The following SOX5 variants were observed in gnomAD, a reference collection of about 807,000 sequenced individuals.
SOX5 encodes the protein transcription factor SOX-5.
Under a neutral mutation model 92.0 loss-of-function variants are expected in SOX5, and 9 were observed. That is an observed-to-expected ratio of 0.10 (90% confidence interval 0.06 to 0.17). The LOEUF is 0.17. Among genes scored for constraint, SOX5 ranks in the 10% least tolerant of loss-of-function variants. SOX5 has a pLI of 1.00. For synonymous variants in SOX5, 344 were observed against 336.3 expected (o/e 1.02, Z -0.25); for missense variants, 642 against 944.5 (o/e 0.68, Z 4.20).
At chr12:24,324,250 T>G (rs1950471116) in intron 2 of SOX5, among the ~76,000 whole-genome samples, 1 of 152,178 alleles carries the variant, frequency 6.6e-6, no homozygotes, top group Admixed American at 6.5e-5. Context: ...CCAGTCATAT[T>G]CACAATGTTC....
intron 5 of SOX5, among the ~76,000 whole-genome samples, chr12:23,739,640 T>C (rs2093724478): frequency 6.6e-6 from 1 of 152,174 alleles, no homozygotes; most frequent in East Asian, 1.9e-4. Context: ...CTCCCAAAGA[T>C]CTACCCTTAG....
In SOX5 at chr12:24,383,922, G is replaced by T. The variant is rs1958091863; in HGVS notation, c.-250-15283C>A. 2.0e-5 allele frequency among the ~76,000 whole-genome samples: 3 copies of T among 152,164 alleles called. No individual in the cohort carries two copies. The South Asian group carries it at 6.2e-4, about 32-fold the overall frequency. ...GTGTTGCGGAAGGGAACCTGTGGGAGGTAATTGAATCAGAGGGGCAGTTAT... is the reference window on the plus strand; with the variant it reads ...GTGTTGCGGAAGGGAACCTGTGGGATGTAATTGAATCAGAGGGGCAGTTAT... On this transcript the variant is annotated intron_variant, in intron 1 of 4. Transcript: ENST00000446891.
chr12:24,236,008 T>C (rs564239398), intron 3 of SOX5, among the ~76,000 whole-genome samples: 15 of 151,922 alleles, frequency 9.9e-5, no homozygotes, highest in African/African-American at 3.4e-4. Flanking sequence ...GTTAACATGG[T>C]AAAACCCCAC....
chr12:23,684,958 A>C (rs1187939904), intron 6 of SOX5, among the ~76,000 whole-genome samples: 1 of 152,150 alleles, frequency 6.6e-6, no homozygotes, highest in African/African-American at 2.4e-5. Flanking sequence ...ATTGCTATAA[A>C]AATACTTAGA....
At chr12:23,762,710 C>T in intron 3 of SOX5, 1 of 425,326 alleles carries the variant, frequency 2.4e-6, no homozygotes, top group Admixed American at 4.3e-5. Flanking sequence ...TAGTCATAGG[C>T]TTAAATTTTC....
intron 11 of SOX5, among the ~76,000 whole-genome samples, chr12:23,551,668 T>G (rs879479467): frequency 5.9e-5 from 9 of 151,806 alleles, no homozygotes; most frequent in Non-Finnish European, 8.9e-5. Flanking sequence ...TTGAAGAAAA[T>G]TTTTCTATTC....
At chr12:23,668,874 A>G (rs2084291495) in intron 6 of SOX5, among the ~76,000 whole-genome samples, 1 of 152,180 alleles carries the variant, frequency 6.6e-6, no homozygotes, top group Non-Finnish European at 1.5e-5. Flanking sequence ...TCCAACACAA[A>G]TCACTTATAT....
At chr12:23,881,011 A>T (rs1477787228) in intron 2 of SOX5, among the ~76,000 whole-genome samples, 1 of 152,166 alleles carries the variant, frequency 6.6e-6, no homozygotes, top group African/African-American at 2.4e-5. Context: ...ATAATTATTT[A>T]AAAACAGCTA....
chr12:23,679,712 C>T (rs929768197), intron 6 of SOX5, among the ~76,000 whole-genome samples: 2 of 152,036 alleles, frequency 1.3e-5, no homozygotes, highest in Non-Finnish European at 2.9e-5. Context: ...TAACCCAGTT[C>T]AGTATTTAAG....
chr12:24,265,006 C>A (rs574367518), intron 3 of SOX5, among the ~76,000 whole-genome samples: 2 of 152,086 alleles, frequency 1.3e-5, no homozygotes, highest in African/African-American at 4.8e-5. Flanking sequence ...CATATCAACC[C>A]GAAAGCCTGC....
chr12:24,266,713 C>T (rs751114089), intron 3 of SOX5, among the ~76,000 whole-genome samples: 21 of 152,102 alleles, frequency 1.4e-4, no homozygotes, highest in Non-Finnish European at 2.6e-4. Flanking sequence ...TAGGAAAATG[C>T]CAATAGTTGA....
intron 11 of SOX5, among the ~76,000 whole-genome samples, chr12:23,550,191 C>T (rs1479933625): frequency 1.3e-5 from 2 of 151,860 alleles, no homozygotes; most frequent in Non-Finnish European, 2.9e-5. Context: ...TCAATTCATA[C>T]TTCTAAGCCA....
At chr12:23,667,672 G>A (rs1209969856) in intron 6 of SOX5, among the ~76,000 whole-genome samples, 1 of 152,098 alleles carries the variant, frequency 6.6e-6, no homozygotes, top group East Asian at 1.9e-4. Context: ...AATCTAGTGA[G>A]GGGAAGTAGG....
chr12:23,761,168 A>T (rs1009996632), intron 3 of SOX5, among the ~76,000 whole-genome samples: 1 of 152,204 alleles, frequency 6.6e-6, no homozygotes, highest in African/African-American at 2.4e-5. Flanking sequence ...CATGTAGACT[A>T]TTCATGCCAT....
At chr12:24,028,169 T>C (rs1421118552) in intron 4 of SOX5, among the ~76,000 whole-genome samples, 2 of 151,972 alleles carry the variant, frequency 1.3e-5, no homozygotes, top group East Asian at 1.9e-4. Context: ...AAAATGTCTG[T>C]AGCAGTCACC....
At chr12:23,607,586 T>A (rs2075399554) in intron 8 of SOX5, among the ~76,000 whole-genome samples, 1 of 152,188 alleles carries the variant, frequency 6.6e-6, no homozygotes, top group African/African-American at 2.4e-5. Context: ...CAAGAAATGA[T>A]GAGCAGTTTC....
chr12:24,169,561 C>T (rs1174626126), intron 4 of SOX5, among the ~76,000 whole-genome samples: 1 of 152,192 alleles, frequency 6.6e-6, no homozygotes, highest in African/African-American at 2.4e-5. Flanking sequence ...AGCATCTTCC[C>T]ACACAATGTG....
At chr12:23,743,763 G>C (rs1244284509) in intron 4 of SOX5, among the ~76,000 whole-genome samples, 1 of 152,168 alleles carries the variant, frequency 6.6e-6, no homozygotes, top group Non-Finnish European at 1.5e-5. Context: ...CCTCTGCATA[G>C]GTGGGTTTCA....
At chr12:23,909,588 T>C (rs2097329233) in intron 1 of SOX5, among the ~76,000 whole-genome samples, 1 of 152,280 alleles carries the variant, frequency 6.6e-6, no homozygotes, top group African/African-American at 2.4e-5. Flanking sequence ...CCATTTACCA[T>C]TTATAGGTAC....
Sources: gnomAD v4.1 joint callset for allele counts (sites outside exome capture counted in the v4.1 genomes callset) on GRCh38, gnomAD v4.1.1 for gene constraint, MANE v1.5 for transcripts, NCBI Gene and HGNC (gene_info 2026-07-23, HGNC 2026-07-21) for gene names.